Variants in ARSG observed in about 807,000 individuals in gnomAD.
ARSG encodes the protein ASG.
In ARSG, 37 loss-of-function variants were observed where a neutral mutation model predicts 50.5. The ratio of observed to expected loss-of-function variants is 0.73; its 90% CI spans 0.56 to 0.96. The LOEUF is 0.96. Among genes scored for constraint, ARSG ranks in the 50% least tolerant of loss-of-function variants. The pLI is 0.00. For missense variants in ARSG, 629 were observed against 675.3 expected (o/e 0.93, Z 0.76); for synonymous variants, 225 against 254.6 (o/e 0.88, Z 1.11).
At chr17:68,318,166 G>A (rs991375264) in intron 2 of ARSG, among the ~76,000 whole-genome samples, 3 of 152,160 alleles carry the variant, frequency 2.0e-5, no homozygotes, top group African/African-American at 7.2e-5. Context: ...AGGGGACAGA[G>A]GATGAATTGC....
intron 2 of ARSG, among the ~76,000 whole-genome samples, chr17:68,339,728 T>C (rs549861996): frequency 1.3e-5 from 2 of 152,348 alleles, no homozygotes; most frequent in African/African-American, 2.4e-5. Flanking sequence ...TTTGATTAGA[T>C]TCAGGGTAAA....
chr17:68,335,553 C>CAAA (rs397856679), intron 2 of ARSG, among the ~76,000 whole-genome samples: 40 of 89,866 alleles, frequency 4.5e-4, no homozygotes, highest in African/African-American at 1.4e-3. Flanking sequence ...GACTCCATCT[C>CAAA]AAAAAAAAAA....
chr17:68,413,163 AG>A (rs1255435075), intron 11 of ARSG, among the ~76,000 whole-genome samples: 8 of 152,076 alleles, frequency 5.3e-5, no homozygotes, highest in African/African-American at 1.9e-4. Flanking sequence ...GTTGCTGGTG[AG>A]GAACTGCGTT....
the ARSG span, among the ~76,000 whole-genome samples, chr17:68,447,247 T>C: frequency 6.6e-6 from 1 of 152,194 alleles, no homozygotes. Flanking sequence ...ACTGTAAAAG[T>C]ATGCAAATCT....
Position 68,275,400 on chromosome 17 carries a change from A to G in ARSG, c.-552+15974A>G, listed in dbSNP as rs76729675. ...CTACTATGTTAACTATTAGAATACAAAGTAATCTTGGATGTAGCTCATAAT... is the reference window on the plus strand; with the variant it reads ...CTACTATGTTAACTATTAGAATACAGAGTAATCTTGGATGTAGCTCATAAT... On this transcript the variant is annotated intron_variant, in intron 1 of 11. Transcript: ENST00000448504. 6.2e-3 allele frequency among the ~76,000 whole-genome samples: 951 copies of G among 152,268 alleles called. 7 individuals are homozygous for G. Among genetic ancestry groups the G allele is most frequent in the African/African-American group, 0.022 (898 of 41,538 alleles).
chr17:68,416,904 G>C (rs532801652), intron 11 of ARSG, among the ~76,000 whole-genome samples: 11 of 151,888 alleles, frequency 7.2e-5, no homozygotes, highest in Admixed American at 5.2e-4. Context: ...CCTTGCATTG[G>C]GCTTCACCTT....
At chr17:68,387,330 T>C (rs1204771809) in intron 9 of ARSG, among the ~76,000 whole-genome samples, 2 of 152,214 alleles carry the variant, frequency 1.3e-5, no homozygotes, top group Middle Eastern at 3.4e-3. Flanking sequence ...GGACTCTTAA[T>C]GTTGCCCAGG....
intron 11 of ARSG, among the ~76,000 whole-genome samples, chr17:68,404,795 A>C (rs2081633339): frequency 6.6e-6 from 1 of 152,204 alleles, no homozygotes; most frequent in Admixed American, 6.5e-5. Context: ...TCATATTTTT[A>C]AAAAGAGTGT....
At chr17:68,364,059 T>C (rs1374272728) in intron 6 of ARSG, among the ~76,000 whole-genome samples, 1 of 152,124 alleles carries the variant, frequency 6.6e-6, no homozygotes, top group Non-Finnish European at 1.5e-5. Flanking sequence ...GGGACACTTC[T>C]TGAGAGATGG....
At position 68,271,091 on chromosome 17, in the gene ARSG, G is replaced by T. The variant is rs782623479; in HGVS notation, c.-552+11665G>T. 5 of 1,614,152 alleles carry T rather than the reference G, an allele frequency of 3.1e-6. No individual in the cohort carries two copies. The highest frequency in any genetic ancestry group is 3.4e-6 in the Non-Finnish European group (4 of 1,180,036). ...CAGATGAGCTCAATGTAAATCTTAC[G>T]AATGGGCTCCCTGTTGAGGACAAAA... On this transcript the variant is annotated intron_variant, in intron 1 of 11. Transcript: ENST00000448504. This position sits in a 1 kb window ranked among gnomAD's most constrained non-coding sequence, Gnocchi z 5.3.
the ARSG span, among the ~76,000 whole-genome samples, chr17:68,435,138 C>T: frequency 2.7e-5 from 4 of 149,956 alleles, no homozygotes; most frequent in East Asian, 5.9e-4. Flanking sequence ...ACCTGGGAGG[C>T]GGAGGTTGCA....
In ARSG at chr17:68,385,126, T is replaced by C; in HGVS notation, c.1045T>C (p.Trp349Arg). 6.2e-7 allele frequency: 1 copy of C among 1,614,110 alleles called. No individual in the cohort carries two copies. The change falls in exon 9 of 12, where the codon TGG (tryptophan) becomes CGG (arginine). Residue 349 changes from tryptophan (W) to arginine (R), a missense_variant. Transcript: ENST00000621439. Reference protein sequence around the residue: ...GGHRVPALAYWPGRVPVNVTS... With the variant: ...GGHRVPALAYRPGRVPVNVTS... ...GCACCGGGTCCCAGCACTGGCTTAC[T>C]GGCCTGGCAGAGTTCCAGTTAATGT... is the stretch of plus-strand genomic sequence containing the variant.
chr17:68,330,484 T>C (rs2077682920), intron 2 of ARSG, among the ~76,000 whole-genome samples: 1 of 152,000 alleles, frequency 6.6e-6, no homozygotes, highest in African/African-American at 2.4e-5. Context: ...AGATTCTGGA[T>C]ATATTTGGAA....
chr17:68,415,119 G>C (rs931027588), intron 11 of ARSG, among the ~76,000 whole-genome samples: 2 of 152,070 alleles, frequency 1.3e-5, no homozygotes, highest in African/African-American at 4.8e-5. Context: ...ACCTTAGAAT[G>C]TCAGTTTGTG....
At chr17:68,364,246 C>T (rs1242907420) in intron 6 of ARSG, among the ~76,000 whole-genome samples, 1 of 152,156 alleles carries the variant, frequency 6.6e-6, no homozygotes, top group African/African-American at 2.4e-5. Context: ...CACCATTCCA[C>T]TTGTTTTCCC....
At chr17:68,442,931 G>A in the ARSG span, among the ~76,000 whole-genome samples, 1 of 152,072 alleles carries the variant, frequency 6.6e-6, no homozygotes. Flanking sequence ...CACAAAGAAT[G>A]TCTGCAATAG....
intron 1 of ARSG, among the ~76,000 whole-genome samples, chr17:68,275,284 G>A (rs911348305): frequency 6.6e-6 from 1 of 151,940 alleles, no homozygotes; most frequent in Non-Finnish European, 1.5e-5. Context: ...ACGTAAGTGA[G>A]CCATTGAGAG....
chr17:68,375,101 A>G (rs2080080681), intron 8 of ARSG, among the ~76,000 whole-genome samples: 1 of 152,182 alleles, frequency 6.6e-6, no homozygotes, highest in African/African-American at 2.4e-5. Context: ...TGATTTTAAT[A>G]TGCAGACAGT....
intron 9 of ARSG, among the ~76,000 whole-genome samples, chr17:68,390,514 C>A (rs1047275686): frequency 3.3e-5 from 5 of 152,168 alleles, no homozygotes; most frequent in African/African-American, 4.8e-5. Context: ...GGGTTCATGG[C>A]TGCCCTTGTC....
Sources: allele counts gnomAD v4.1 joint callset (sites outside exome capture counted in the v4.1 genomes callset), GRCh38; gene constraint gnomAD v4.1.1; non-coding constraint Gnocchi (gnomAD v3.1); transcripts MANE v1.5; gene names NCBI Gene and HGNC (gene_info 2026-07-23, HGNC 2026-07-21).